Variants in GNG12 observed in about 807,000 individuals in gnomAD.
GNG12 encodes guanine nucleotide-binding protein G(I)/G(S)/G(O) subunit gamma-12.
For synonymous variants in GNG12, 28 were observed against 29.7 expected, an observed-to-expected ratio of 0.94 and a Z score of 0.19; for missense variants, 69 against 83.8, an observed-to-expected ratio of 0.82 and a Z score of 0.69.
At chr1:67,786,935 A>ATATGTGTG (rs1332684243) in intron 1 of GNG12, among the ~76,000 whole-genome samples, 136 of 133,426 alleles carry the variant, frequency 1.0e-3, no homozygotes, top group Middle Eastern at 7.5e-3. Context: ...TTATATATAT[A>ATATGTGTG]TGTGTGTGTG....
chr1:67,786,231 A>C (rs1398530543), intron 1 of GNG12, among the ~76,000 whole-genome samples: 2 of 152,228 alleles, frequency 1.3e-5, no homozygotes, highest in Non-Finnish European at 2.9e-5. Context: ...CCAATAAACA[A>C]AACTGAATAC....
chr1:67,774,040 C>T (rs1232883778), intron 2 of GNG12, among the ~76,000 whole-genome samples: 2 of 152,208 alleles, frequency 1.3e-5, no homozygotes, highest in African/African-American at 4.8e-5. Flanking sequence ...ATTGTTTTAC[C>T]TACAGAGATG....
intron 1 of GNG12, among the ~76,000 whole-genome samples, chr1:67,790,617 T>C (rs1308201408): frequency 6.6e-6 from 1 of 151,664 alleles, no homozygotes; most frequent in East Asian, 1.9e-4. Context: ...TTCCTTTTTT[T>C]TTTTTTTTTT....
intron 2 of GNG12, among the ~76,000 whole-genome samples, chr1:67,728,973 T>C (rs747387330): frequency 1.3e-5 from 2 of 152,200 alleles, no homozygotes; most frequent in Non-Finnish European, 2.9e-5. Flanking sequence ...GGTACCTCTG[T>C]GAAATTTCAT....
chr1:67,819,928 C>T (rs1289625846), intron 1 of GNG12, among the ~76,000 whole-genome samples: 1 of 152,140 alleles, frequency 6.6e-6, no homozygotes, highest in African/African-American at 2.4e-5. Flanking sequence ...CACCTCCATC[C>T]CCAGTCCATC....
intron 1 of GNG12, among the ~76,000 whole-genome samples, chr1:67,804,141 G>A (rs1207454816): frequency 6.6e-6 from 1 of 152,144 alleles, no homozygotes; most frequent in Non-Finnish European, 1.5e-5. Flanking sequence ...GTTCCCACTG[G>A]GGCCCTGCAG....
At chr1:67,782,942 CT>C (rs905420923) in intron 1 of GNG12, among the ~76,000 whole-genome samples, 4 of 152,100 alleles carry the variant, frequency 2.6e-5, no homozygotes, top group African/African-American at 9.7e-5. Flanking sequence ...GTAGTAAAGG[CT>C]TTGAAATTGG....
intron 1 of GNG12, among the ~76,000 whole-genome samples, chr1:67,810,059 T>C (rs903783817): frequency 5.9e-5 from 9 of 152,142 alleles, no homozygotes; most frequent in African/African-American, 1.7e-4. Flanking sequence ...CTTTGATACA[T>C]CCATACAATA....
chr1:67,740,994 T>TAA (rs1022639192), intron 2 of GNG12, among the ~76,000 whole-genome samples: 2 of 151,438 alleles, frequency 1.3e-5, no homozygotes, highest in South Asian at 2.1e-4. Flanking sequence ...CACTAGTTCT[T>TAA]AAAAAAAAAC....
chr1:67,776,792 T>C (rs1319968130), intron 2 of GNG12, among the ~76,000 whole-genome samples: 2 of 152,128 alleles, frequency 1.3e-5, no homozygotes, highest in Non-Finnish European at 2.9e-5. Context: ...AGCCAGTAAA[T>C]TTTGACTCAA....
At position 67,742,991 on chromosome 1, in the gene GNG12, T is replaced by C. The variant is rs113943107; in HGVS notation, c.-27+34467A>G. ...GCAGGTCTGATAAATCCTCTGATGG[T>C]GGCATACAAAATACTGGTGTTTAGA... On this transcript the variant is annotated intron_variant, in intron 2 of 3. Coordinates refer to ENST00000370982, the MANE Select transcript of GNG12 (RefSeq NM_018841.6). Among the ~76,000 whole-genome samples the C allele has an allele frequency of 3.0e-3, 462 of 152,206 alleles. 4 individuals are homozygous for C. Among genetic ancestry groups the C allele is most frequent in the African/African-American group, 0.01 (433 of 41,528 alleles).
chr1:67,831,878 C>T (rs1647047589), intron 1 of GNG12, among the ~76,000 whole-genome samples: 1 of 152,212 alleles, frequency 6.6e-6, no homozygotes, highest in Non-Finnish European at 1.5e-5. Context: ...CGCTGCCTGC[C>T]TTCCTGGTTC....
chr1:67,783,241 C>T (rs1220233257), intron 1 of GNG12, among the ~76,000 whole-genome samples: 1 of 152,166 alleles, frequency 6.6e-6, no homozygotes, highest in African/African-American at 2.4e-5. Flanking sequence ...AATCAATCCC[C>T]TAATGCTGGA....
chr1:67,817,023 T>C (rs1311414929), intron 1 of GNG12, among the ~76,000 whole-genome samples: 2 of 152,236 alleles, frequency 1.3e-5, no homozygotes, highest in Non-Finnish European at 2.9e-5. Flanking sequence ...TAGACATTAA[T>C]TGAATCTTCT....
At chr1:67,743,580 A>G (rs1646494151) in intron 2 of GNG12, among the ~76,000 whole-genome samples, 1 of 152,204 alleles carries the variant, frequency 6.6e-6, no homozygotes, top group Admixed American at 6.5e-5. Context: ...AGACCCAGGG[A>G]AACAAGACAG....
chr1:67,829,949 G>A (rs988786046), intron 1 of GNG12, among the ~76,000 whole-genome samples: 23 of 150,980 alleles, frequency 1.5e-4, no homozygotes, highest in African/African-American at 7.3e-5. Flanking sequence ...TGCACCTGAC[G>A]TGCATTAGGA....
chr1:67,799,360 CTCT>C (rs1421225250), intron 1 of GNG12, among the ~76,000 whole-genome samples: 1 of 152,172 alleles, frequency 6.6e-6, no homozygotes, highest in Admixed American at 6.5e-5. Flanking sequence ...CAGGGAACTG[CTCT>C]TCTTCACATC....
intron 2 of GNG12, among the ~76,000 whole-genome samples, chr1:67,738,859 A>C (rs1646466861): frequency 6.6e-6 from 1 of 152,198 alleles, no homozygotes; most frequent in Admixed American, 6.5e-5. Flanking sequence ...ATTCTGGGCA[A>C]CACAGCAACA....
At chr1:67,788,426 C>T (rs2100779731) in intron 1 of GNG12, among the ~76,000 whole-genome samples, 1 of 152,196 alleles carries the variant, frequency 6.6e-6, no homozygotes, top group East Asian at 1.9e-4. Flanking sequence ...CAGCCCCTAC[C>T]TCCTGGGCTC....
Sources: allele counts gnomAD v4.1 joint callset (sites outside exome capture counted in the v4.1 genomes callset), GRCh38; gene constraint gnomAD v4.1.1; transcripts MANE v1.5; gene names NCBI Gene and HGNC (gene_info 2026-07-23, HGNC 2026-07-21).